RNLS: variants seen among roughly 807,000 people sequenced by gnomAD.
The protein encoded by RNLS is renalase, FAD dependent amine oxidase.
RNLS carries 39 observed loss-of-function variants against 39.8 expected under a neutral mutation model. The observed-to-expected ratio is 0.98, with a 90% CI of 0.76 to 1.28. RNLS has a LOEUF of 1.28. Ranked by LOEUF, RNLS falls within the 50% of genes most tolerant of loss-of-function variation. RNLS has a pLI of 0.00. For synonymous variants in RNLS, 147 were observed against 150.7 expected, an observed-to-expected ratio of 0.98 and a Z score of 0.18; for missense variants, 410 against 413.3, an observed-to-expected ratio of 0.99 and a Z score of 0.07.
chr10:88,346,637 T>A (rs1376809584), intron 5 of RNLS, among the ~76,000 whole-genome samples: 1 of 152,172 alleles, frequency 6.6e-6, no homozygotes, highest in Non-Finnish European at 1.5e-5. Context: ...AGTGCTGAAG[T>A]ATTAATTCTC....
At chr10:88,453,607 G>T (rs1842469035) in intron 4 of RNLS, among the ~76,000 whole-genome samples, 1 of 152,188 alleles carries the variant, frequency 6.6e-6, no homozygotes, top group Non-Finnish European at 1.5e-5. Flanking sequence ...AACCTAACCT[G>T]TGACAAACAT....
At chr10:88,392,567 T>C (rs1852272371) in intron 4 of RNLS, among the ~76,000 whole-genome samples, 1 of 152,126 alleles carries the variant, frequency 6.6e-6, no homozygotes, top group Non-Finnish European at 1.5e-5. Context: ...GAACACTAAG[T>C]CAGCTATCAG....
chr10:88,384,958 G>A (rs925193937), intron 4 of RNLS, among the ~76,000 whole-genome samples: 2 of 152,226 alleles, frequency 1.3e-5, no homozygotes, highest in African/African-American at 4.8e-5. Context: ...TGTTAGCTGT[G>A]TGACCTTGGT....
intron 6 of RNLS, among the ~76,000 whole-genome samples, chr10:88,305,451 T>C (rs1357430890): frequency 6.6e-6 from 1 of 152,054 alleles, no homozygotes; most frequent in Non-Finnish European, 1.5e-5. Context: ...AAGAGACCCA[T>C]CTCACATGCA....
intron 4 of RNLS, among the ~76,000 whole-genome samples, chr10:88,538,521 A>G (rs1194154609): frequency 6.6e-6 from 1 of 152,164 alleles, no homozygotes; most frequent in Non-Finnish European, 1.5e-5. Flanking sequence ...GCGTAAAAGT[A>G]AAACTTGAAA....
the RNLS span, among the ~76,000 whole-genome samples, chr10:88,251,897 C>T: frequency 6.6e-6 from 1 of 152,198 alleles, no homozygotes; most frequent in South Asian, 2.1e-4. Flanking sequence ...AAGCTTTTCC[C>T]TGGCCTACAA....
chr10:88,559,662 C>CTCATTCAT (rs3033889), intron 4 of RNLS, among the ~76,000 whole-genome samples: 74,409 of 151,036 alleles, frequency 0.49, 18,576 homozygotes, highest in East Asian at 0.66. Flanking sequence ...GATTGTTTCA[C>CTCATTCAT]TCATTCATTC....
chr10:88,192,942 C>T, the RNLS span, among the ~76,000 whole-genome samples: 1 of 152,192 alleles, frequency 6.6e-6, no homozygotes, highest in Non-Finnish European at 1.5e-5. Context: ...ATGGAGTTAG[C>T]ATGGCTGGCT....
chr10:88,369,018 T>A (rs1654262334), intron 4 of RNLS, among the ~76,000 whole-genome samples: 1 of 152,120 alleles, frequency 6.6e-6, no homozygotes, highest in Non-Finnish European at 1.5e-5. Flanking sequence ...ATATATATTT[T>A]CTCTTTTGCA....
At chr10:88,508,445 C>G (rs1441303539) in intron 4 of RNLS, among the ~76,000 whole-genome samples, 2 of 152,124 alleles carry the variant, frequency 1.3e-5, no homozygotes, top group Non-Finnish European at 2.9e-5. Context: ...GCTACAGTGT[C>G]TGGCACATAG....
At chr10:88,395,076 G>A (rs1257843352) in intron 4 of RNLS, among the ~76,000 whole-genome samples, 1 of 151,952 alleles carries the variant, frequency 6.6e-6, no homozygotes, top group Non-Finnish European at 1.5e-5. Flanking sequence ...ATAGCATTAG[G>A]AGATATACCT....
intron 4 of RNLS, among the ~76,000 whole-genome samples, chr10:88,548,418 T>C (rs1039055673): frequency 6.7e-6 from 1 of 149,616 alleles, no homozygotes; most frequent in African/African-American, 2.4e-5. Flanking sequence ...GATGGGTGGA[T>C]CACTTGAGGT....
the RNLS span, among the ~76,000 whole-genome samples, chr10:88,260,963 T>C: frequency 1.3e-5 from 2 of 152,170 alleles, no homozygotes; most frequent in South Asian, 4.2e-4. Flanking sequence ...CCTTCCAGAG[T>C]TGCTGTGAGC....
chr10:88,524,941 TATATATGGCACACACATAC>T (rs1358193644), intron 4 of RNLS, among the ~76,000 whole-genome samples: 11 of 127,318 alleles, frequency 8.6e-5, no homozygotes, highest in Middle Eastern at 4.1e-3. Context: ...CATATATATA[TATATATGGCACACACATAC>T]ATATATATAT....
At chr10:88,234,999 A>T in the RNLS span, among the ~76,000 whole-genome samples, 2 of 151,814 alleles carry the variant, frequency 1.3e-5, no homozygotes, top group Non-Finnish European at 2.9e-5. Flanking sequence ...CGGTGGCTCA[A>T]GCCTGTAATC....
intron 5 of RNLS, among the ~76,000 whole-genome samples, chr10:88,342,782 G>GA (rs1271276699): frequency 2.6e-5 from 4 of 152,172 alleles, no homozygotes; most frequent in Non-Finnish European, 5.9e-5. Context: ...TCTCGAGGTG[G>GA]AAAAAAGTAT....
downstream of RNLS, among the ~76,000 whole-genome samples, chr10:88,271,777 G>A (rs1295647877): frequency 1.3e-5 from 2 of 152,178 alleles, no homozygotes; most frequent in Admixed American, 6.5e-5. Flanking sequence ...CAAATACCCA[G>A]GACTTGGCCT....
the RNLS span, among the ~76,000 whole-genome samples, chr10:88,211,877 G>A: frequency 1.3e-5 from 2 of 152,156 alleles, no homozygotes; most frequent in Non-Finnish European, 1.5e-5. Context: ...TGAGGACAGT[G>A]GATCAGAAGA....
chr10:88,193,728 T>A, the RNLS span, among the ~76,000 whole-genome samples: 2 of 152,138 alleles, frequency 1.3e-5, no homozygotes, highest in Non-Finnish European at 2.9e-5. Context: ...CTTTACATTA[T>A]GAGTTTTGGG....
Sources: gnomAD v4.1 joint callset for allele counts (sites outside exome capture counted in the v4.1 genomes callset) on GRCh38, gnomAD v4.1.1 for gene constraint, MANE v1.5 for transcripts, NCBI Gene and HGNC (gene_info 2026-07-23, HGNC 2026-07-21) for gene names.